The following SYNRG variants were observed in gnomAD, a reference collection of about 807,000 sequenced individuals.
SYNRG encodes the protein synergin gamma.
A neutral mutation model predicts 130.9 loss-of-function variants in SYNRG; 37 were observed. The ratio of observed to expected loss-of-function variants is 0.28; its 90% CI spans 0.22 to 0.37. The LOEUF (loss-of-function observed/expected upper bound fraction) is 0.37. Ranked by LOEUF, SYNRG falls within the 10% of genes least tolerant of loss-of-function variation. The pLI, the probability that SYNRG is intolerant of heterozygous loss-of-function variation, is 1.00. For synonymous variants in SYNRG, 539 were observed against 568.1 expected, an observed-to-expected ratio of 0.95 and a Z score of 0.73; for missense variants, 1,338 against 1,588.9, an observed-to-expected ratio of 0.84 and a Z score of 2.68.
intron 17 of SYNRG, 120 bp downstream of exon 17, chr17:37,539,072 C>A: frequency 6.6e-7 from 1 of 1,510,954 alleles, no homozygotes; most frequent in East Asian, 2.4e-5. Context: ...TACTCTTTGC[C>A]CAGGGACATC....
chr17:37,563,543 T>G (rs1398293688), intron 11 of SYNRG, among the ~76,000 whole-genome samples: 2 of 152,196 alleles, frequency 1.3e-5, no homozygotes, highest in Non-Finnish European at 2.9e-5. Context: ...TATTTATTTT[T>G]TTGAGACAGT....
intron 1 of SYNRG, among the ~76,000 whole-genome samples, chr17:37,608,716 G>A (rs1028799753): frequency 1.3e-5 from 2 of 152,168 alleles, no homozygotes; most frequent in African/African-American, 4.8e-5. Flanking sequence ...TCTATCTCAA[G>A]ACCATTACTA....
At position 37,607,955 on chromosome 17, in the gene SYNRG, CAAAAAAAA is replaced by C. The variant is rs67822733; in HGVS notation, c.77+1316_77+1323del. Among the ~76,000 whole-genome samples, 8 of 51,128 alleles carry C rather than the reference CAAAAAAAA, an allele frequency of 1.6e-4. No individual in the cohort carries two copies. The East Asian group carries it at 3.2e-3, about 20-fold the overall frequency. The allele number at this position is 51,128 out of a possible 152,430, so 33.5% of individuals were successfully genotyped here. On this transcript the variant is annotated intron_variant, in intron 1 of 21. Coordinates refer to ENST00000612223, the MANE Select transcript of SYNRG (RefSeq NM_007247.6). Reference sequence around the variant, plus strand: ...TGGGCAACAGAGCAAGACTTCCTCTCAAAAAAAAAAAAAAAAAAAAAAAAACAAGACAA... The same window carrying C: ...TGGGCAACAGAGCAAGACTTCCTCTCAAAAAAAAAAAAAAAAACAAGACAA...
At position 37,542,136 on chromosome 17, in the gene SYNRG, G is replaced by C. The variant is rs372539300; in HGVS notation, c.3038C>G (p.Ser1013Cys). The C allele has an allele frequency of 1.1e-5, 17 of 1,614,214 alleles. No homozygotes were observed. The African/African-American group carries it at 2.1e-4, about 20-fold the overall frequency. ...CGAACATTCGTTCGGGGTTTCTTGA[G>C]AGGCACCACTGGACGCTGGGCTGGG... is the stretch of plus-strand genomic sequence containing the variant. ...TCPSPASSGA[S>C]QETPNECSDD... The change falls in exon 15 of 22, where the codon TCT becomes TGT. Residue 1013 changes from serine to cysteine, a missense_variant. Transcript: ENST00000612223.
chr17:37,603,925 T>C (rs2063512106), intron 1 of SYNRG, among the ~76,000 whole-genome samples: 1 of 152,126 alleles, frequency 6.6e-6, no homozygotes, highest in African/African-American at 2.4e-5. Context: ...GCTAGGAAAG[T>C]CTTAGATGGC....
chr17:37,546,586 T>C (rs535644370), intron 14 of SYNRG, among the ~76,000 whole-genome samples: 2 of 152,324 alleles, frequency 1.3e-5, no homozygotes, highest in East Asian at 3.9e-4. Context: ...TTTGAATAGA[T>C]GTTGTACATG....
At chr17:37,584,532 TGAAG>T (rs767584671) in intron 6 of SYNRG, 112 bp downstream of exon 6, 53 of 788,936 alleles carry the variant, frequency 6.7e-5, no homozygotes, top group Non-Finnish European at 9.9e-5. Flanking sequence ...GTACTTAGCT[TGAAG>T]GAAGAGTTCT....
intron 3 of SYNRG, among the ~76,000 whole-genome samples, chr17:37,594,262 A>G: frequency 7.7e-6 from 1 of 129,174 alleles, no homozygotes; most frequent in Non-Finnish European, 1.6e-5. Context: ...TAATTATATT[A>G]ATTACAATAA....
rs952482511 is a variant in SYNRG, at chr17:37,519,121, T to C, written c.3814-50A>G. 4 of 1,590,660 alleles carry C rather than the reference T, an allele frequency of 2.5e-6. No individual in the cohort carries two copies. In the African/African-American group the frequency reaches 4.0e-5, roughly 16 times the overall value. On this transcript the variant is annotated intron_variant, in intron 21 of 21. Transcript: ENST00000612223. ...GGGCAAGTCAGGCTTTTTCTGCATC[T>C]CAGAGCTTTTCAGCAACCAACATGT...
intron 14 of SYNRG, among the ~76,000 whole-genome samples, chr17:37,546,619 A>C (rs2058299313): frequency 6.6e-6 from 1 of 152,216 alleles, no homozygotes; most frequent in Non-Finnish European, 1.5e-5. Flanking sequence ...TTTGGAACAA[A>C]GAATGTTGGC....
intron 2 of SYNRG, among the ~76,000 whole-genome samples, chr17:37,599,227 T>C (rs1055453674): frequency 6.6e-6 from 1 of 152,082 alleles, no homozygotes; most frequent in South Asian, 2.1e-4. Context: ...ACTGTCAGAG[T>C]GAAAGAAATG....
chr17:37,530,634 A>G (rs909717614), intron 19 of SYNRG, among the ~76,000 whole-genome samples: 4 of 152,248 alleles, frequency 2.6e-5, no homozygotes, highest in Non-Finnish European at 4.4e-5. Flanking sequence ...ATTAGTCATC[A>G]TAACAGTTAA....
At chr17:37,607,210 T>A (rs2063825228) in intron 1 of SYNRG, among the ~76,000 whole-genome samples, 1 of 152,178 alleles carries the variant, frequency 6.6e-6, no homozygotes, top group Non-Finnish European at 1.5e-5. Context: ...AATTTTAAAA[T>A]CATTCTAATT....
chr17:37,565,693 G>A (rs1225295257), intron 11 of SYNRG, among the ~76,000 whole-genome samples: 4 of 149,824 alleles, frequency 2.7e-5, no homozygotes, highest in Non-Finnish European at 1.5e-5. Flanking sequence ...CCTCTGCCCC[G>A]CCGCCCCATC....
At chr17:37,569,724 A>G (rs542380405) in intron 10 of SYNRG, among the ~76,000 whole-genome samples, 1 of 152,052 alleles carries the variant, frequency 6.6e-6, no homozygotes, top group South Asian at 2.1e-4. Context: ...ATACAGCTAT[A>G]TCATGCATGT....
intron 11 of SYNRG, chr17:37,567,582 C>T (rs951487484): frequency 1.3e-5 from 2 of 152,206 alleles, no homozygotes. Context: ...ACTCTATGGT[C>T]ACATTCCTTA....
rs73984265 is a variant in SYNRG, at chr17:37,570,241, T to C, written c.1347+396A>G. The stretch of plus-strand genomic sequence containing the variant: ...ATCATAGCTCACTGCAGACTTGAAC[T>C]CCTGGGATCAAGTGATCCTCCTGCC... On this transcript the variant is annotated intron_variant, in intron 10 of 21. Coordinates refer to ENST00000612223, the MANE Select transcript of SYNRG (RefSeq NM_007247.6). 5.0e-3 allele frequency among the ~76,000 whole-genome samples: 738 copies of C among 147,968 alleles called. 10 individuals carry two copies. The highest frequency in any genetic ancestry group is 0.018 in the African/African-American group (714 of 40,588).
At position 37,586,462 on chromosome 17, in the gene SYNRG, G is replaced by C; in HGVS notation, c.328C>G (p.Gln110Glu). ...PFLGMRPPGP[Q>E]YTPDMQKQFA... ...TGCTTCTGCATGTCTGGAGTGTACTGTGGGCCTGGAGGACGCATGCCCAGG... is the reference window on the plus strand; with the variant it reads ...TGCTTCTGCATGTCTGGAGTGTACTCTGGGCCTGGAGGACGCATGCCCAGG... The change falls in exon 4 of 22, where the codon CAG becomes GAG. Residue 110 changes from glutamine (Q) to glutamate (E), a missense_variant. Coordinates refer to ENST00000612223, the MANE Select transcript of SYNRG (RefSeq NM_007247.6). 2 of 1,614,198 alleles carry C rather than the reference G, an allele frequency of 1.2e-6. No individual in the cohort carries two copies. The highest frequency in any genetic ancestry group is 1.7e-6 in the Non-Finnish European group (2 of 1,180,040).
Position 37,577,564 on chromosome 17 carries a change from A to T in SYNRG, c.639T>A (p.Ser213=). ...TATTTAATTTAATTTGTTCCTGCCCAGATGTACTTATATCACAAGATACTA... is the reference window on the plus strand; with the variant it reads ...TATTTAATTTAATTTGTTCCTGCCCTGATGTACTTATATCACAAGATACTA... ...KFLVSCDIST[S]GQEQIKLNTS... is the part of the protein sequence containing the mutation. Residue 213 remains serine (S), a synonymous_variant, in exon 7 of 22, where the codon TCT becomes TCA. Coordinates refer to ENST00000612223, the MANE Select transcript of SYNRG (RefSeq NM_007247.6). The T allele has an allele frequency of 6.2e-7, 1 of 1,614,196 alleles. No homozygotes were observed. The highest frequency in any genetic ancestry group is 1.1e-5 in the South Asian group (1 of 91,088).
Sources: gnomAD v4.1 joint callset for allele counts (sites outside exome capture counted in the v4.1 genomes callset) on GRCh38, gnomAD v4.1.1 for gene constraint, MANE v1.5 for transcripts, NCBI Gene and HGNC (gene_info 2026-07-23, HGNC 2026-07-21) for gene names.